Variants in SPRYD4 observed in about 807,000 individuals in gnomAD.
SPRYD4 encodes the protein SPRY domain-containing protein 4.
SPRYD4 carries 12 observed loss-of-function variants against 16.6 expected under a neutral mutation model. That is an observed-to-expected ratio of 0.72 (90% confidence interval 0.46 to 1.17). SPRYD4 has a LOEUF of 1.17. Ranked by LOEUF, SPRYD4 falls within the 50% of genes most tolerant of loss-of-function variation. The pLI is 0.00. For missense variants in SPRYD4, 260 were observed against 260.2 expected (o/e 1.00, Z 0.00); for synonymous variants, 98 against 105.4 (o/e 0.93, Z 0.43).
At position 56,473,419 on chromosome 12, in the gene SPRYD4, T is replaced by C. The variant is rs1246250453; in HGVS notation, c.*3842T>C. 1.2e-6 allele frequency: 2 copies of C among 1,603,992 alleles called. No homozygotes were observed. Among genetic ancestry groups the C allele is most frequent in the Non-Finnish European group, 1.7e-6 (2 of 1,173,858 alleles). On this transcript the variant is annotated 3_prime_UTR_variant, in exon 2 of 2. Coordinates refer to ENST00000338146, the MANE Select transcript of SPRYD4 (RefSeq NM_207344.4). Reference sequence around the variant, plus strand: ...GTAAAAGTGGTACCATTAAACAAATTTATTGCTTCAAAAATAGTAAGTACT... The same window carrying C: ...GTAAAAGTGGTACCATTAAACAAATCTATTGCTTCAAAAATAGTAAGTACT...
At position 56,474,790 on chromosome 12, in the gene SPRYD4, G is replaced by C; in HGVS notation, c.*5213G>C. 1 of 1,612,444 alleles carries C rather than the reference G, an allele frequency of 6.2e-7. No individual in the cohort carries two copies. The highest frequency in any genetic ancestry group is 8.5e-7 in the Non-Finnish European group (1 of 1,179,266). ...ATGGGACCCTCGGGTGTAGGGAAAG[G>C]GCAAGGGCAAGGACAGTCTGTCCTG... On this transcript the variant is annotated 3_prime_UTR_variant, in exon 2 of 2. Transcript: ENST00000338146.
rs1208599218 is a variant in SPRYD4, at chr12:56,472,735, T to C, written c.*3158T>C. On this transcript the variant is annotated 3_prime_UTR_variant, in exon 2 of 2. Coordinates refer to ENST00000338146, the MANE Select transcript of SPRYD4 (RefSeq NM_207344.4). ...GCCACTATAGGCAGCAAATAACAGGTTGACCACAGTCTTGTTCTGGAACAC... is the reference window on the plus strand; with the variant it reads ...GCCACTATAGGCAGCAAATAACAGGCTGACCACAGTCTTGTTCTGGAACAC... The C allele has an allele frequency of 1.5e-5, 25 of 1,613,810 alleles. No individual in the cohort carries two copies. The highest frequency in any genetic ancestry group is 1.9e-5 in the Non-Finnish European group (22 of 1,179,930).
chr12:56,473,880 G>A lies in SPRYD4; in HGVS notation c.*4303G>A. 3.2e-6 allele frequency: 1 copy of A among 311,400 alleles called. No homozygotes were observed. The highest frequency in any genetic ancestry group is 5.9e-6 in the Non-Finnish European group (1 of 170,282). The allele number at this position is 311,400 out of a possible 1,614,324, so 19.3% of individuals were successfully genotyped here. A position where few individuals can be genotyped will look rare whatever the true frequency, so the allele number is the denominator to read the frequency against. ...GGTGTTAGGAGATAGGTAATAAACA[G>A]GTAAATAAATAGACACGTAATGTTT... On this transcript the variant is annotated 3_prime_UTR_variant, in exon 2 of 2. Transcript: ENST00000338146.
Position 56,477,901 on chromosome 12 carries a change from G to GTT in SPRYD4, c.*8325_*8326insTT, listed in dbSNP as rs769963497. On this transcript the variant is annotated 3_prime_UTR_variant, in exon 2 of 2. Transcript: ENST00000338146. The stretch of plus-strand genomic sequence containing the variant: ...TGGGGATAAGGAGAAGGGGACAGCT[G>GTT]TAAGTACGGTCTGAGCCTTGGTAGT... 1.1e-5 allele frequency: 18 copies of GTT among 1,600,834 alleles called. No homozygotes were observed. Among genetic ancestry groups the GTT allele is most frequent in the Non-Finnish European group, 1.5e-5 (18 of 1,172,810 alleles).
In SPRYD4 at chr12:56,473,793, T is replaced by C. The variant is rs185659334; in HGVS notation, c.*4216T>C. On this transcript the variant is annotated 3_prime_UTR_variant, in exon 2 of 2. Coordinates refer to ENST00000338146, the MANE Select transcript of SPRYD4 (RefSeq NM_207344.4). ...ATTCATTGATTCAGCTAGAAAATAT[T>C]TTTTGAAATACTTACAGCATTCTGT... 751 of 629,220 alleles carry C rather than the reference T, an allele frequency of 1.2e-3. No individual in the cohort carries two copies. Among genetic ancestry groups the C allele is most frequent in the Admixed American group, 2.2e-3 (62 of 28,090 alleles). 39.0% of individuals were successfully genotyped at this position (629,220 alleles called of 1,614,324 possible).
chr12:56,468,921 C>A, intron 1 of SPRYD4, 118 bp from the exon 2 acceptor site: 1 of 1,331,712 alleles, frequency 7.5e-7, no homozygotes, highest in Non-Finnish European at 1.0e-6. Context: ...GCCCGCTTGG[C>A]ATTCTGACTC....
chr12:56,468,635 G>A lies in SPRYD4; in HGVS notation c.44G>A (p.Gly15Glu). The change falls in exon 1 of 2, where the codon GGA (glycine) becomes GAA (glutamate). Residue 15 changes from glycine (G) to glutamate (E), a missense_variant. Transcript: ENST00000338146. Reference protein sequence around the residue: ...FARSLRLCRWGAKRLGVASTE... With the variant: ...FARSLRLCRWEAKRLGVASTE... ...CGTTCTTTGCGCTTGTGCCGCTGGG[G>A]AGCCAAACGATTGGGAGTTGCCTCC... The A allele has an allele frequency of 6.2e-7, 1 of 1,614,054 alleles. No homozygotes were observed. Among genetic ancestry groups the A allele is most frequent in the Non-Finnish European group, 8.5e-7 (1 of 1,179,986 alleles).
rs1869951446 is a variant in SPRYD4, at chr12:56,477,764, C to T, written c.*8187C>T. 6.3e-7 allele frequency: 1 copy of T among 1,585,108 alleles called. No individual in the cohort carries two copies. The highest frequency in any genetic ancestry group is 1.8e-5 in the Admixed American group (1 of 55,956). Reference sequence around the variant, plus strand: ...AAGAGTCTTAGCCACTGAACAAAGCCTCCCTGACAGCCCGCTCACTTTGTG... The same window carrying T: ...AAGAGTCTTAGCCACTGAACAAAGCTTCCCTGACAGCCCGCTCACTTTGTG... On this transcript the variant is annotated 3_prime_UTR_variant, in exon 2 of 2. Transcript: ENST00000338146.
Position 56,476,110 on chromosome 12 carries a change from CT to C in SPRYD4, c.*6540del, listed in dbSNP as rs113881795. 4.7e-5 allele frequency: 36 copies of C among 766,192 alleles called. No homozygotes were observed. Among genetic ancestry groups the C allele is most frequent in the African/African-American group, 4.3e-4 (25 of 57,624 alleles). 47.5% of individuals were successfully genotyped at this position (766,192 alleles called of 1,614,324 possible). A position where few individuals can be genotyped will look rare whatever the true frequency, so the allele number is the denominator to read the frequency against. On this transcript the variant is annotated 3_prime_UTR_variant, in exon 2 of 2. Transcript: ENST00000338146. ...AAATGTGTTCAATTTTATAATGGCC[CT>C]TTTTTTATCCTTCTGAAAACACCGC...
chr12:56,468,929 C>T, intron 1 of SPRYD4, 110 bp from the exon 2 acceptor site: 1 of 1,379,044 alleles, frequency 7.3e-7, no homozygotes, highest in Non-Finnish European at 9.8e-7. Context: ...GGCATTCTGA[C>T]TCTTCCCTAG....
Position 56,478,193 on chromosome 12 carries a change from C to T in SPRYD4, c.*8616C>T. ...TGCCCAGCATCTCACCGTTGACCAT[C>T]CACAGTGCACAGGGAGACACCCCAC... On this transcript the variant is annotated 3_prime_UTR_variant, in exon 2 of 2. Transcript: ENST00000338146. 1 of 1,614,224 alleles carries T rather than the reference C, an allele frequency of 6.2e-7. No individual in the cohort carries two copies. Among genetic ancestry groups the T allele is most frequent in the Non-Finnish European group, 8.5e-7 (1 of 1,180,040 alleles).
rs770429028 is a variant in SPRYD4 at position 56,472,175 on chromosome 12, TC to T, written c.*2600del. 1 of 1,614,188 alleles carries T rather than the reference TC, an allele frequency of 6.2e-7. No homozygotes were observed. The highest frequency in any genetic ancestry group is 2.2e-5 in the East Asian group (1 of 44,892). Reference sequence around the variant, plus strand: ...CGAGTCATAGTCTTTCTGTTCCATATCCATGGCTGACAAGGCAAACCTGAGG... The same window carrying T: ...CGAGTCATAGTCTTTCTGTTCCATATCATGGCTGACAAGGCAAACCTGAGG... On this transcript the variant is annotated 3_prime_UTR_variant, in exon 2 of 2. Transcript: ENST00000338146.
At position 56,475,855 on chromosome 12, in the gene SPRYD4, G is replaced by T; in HGVS notation, c.*6278G>T. On this transcript the variant is annotated 3_prime_UTR_variant, in exon 2 of 2. Coordinates refer to ENST00000338146, the MANE Select transcript of SPRYD4 (RefSeq NM_207344.4). The stretch of plus-strand genomic sequence containing the variant: ...CTTCTAGTATGGGCTGGTGCACCTG[G>T]TAGTGGGGTTAGAGAGCCACTGGGG... 3 of 1,455,346 alleles carry T rather than the reference G, an allele frequency of 2.1e-6. No individual in the cohort carries two copies. The highest frequency in any genetic ancestry group is 3.4e-5 in the Admixed American group (2 of 59,614). 90.2% of individuals were successfully genotyped at this position (1,455,346 alleles called of 1,614,324 possible).
At position 56,477,096 on chromosome 12, in the gene SPRYD4, C is replaced by G. The variant is rs1474384528; in HGVS notation, c.*7519C>G. On this transcript the variant is annotated 3_prime_UTR_variant, in exon 2 of 2. Coordinates refer to ENST00000338146, the MANE Select transcript of SPRYD4 (RefSeq NM_207344.4). Reference sequence around the variant, plus strand: ...ACCTGAGTCCCTGAGGGGAGGATTCCTAACACCACCTTCCCCAGGAGGGGC... The same window carrying G: ...ACCTGAGTCCCTGAGGGGAGGATTCGTAACACCACCTTCCCCAGGAGGGGC... The G allele has an allele frequency of 6.6e-6, 1 of 152,320 alleles. No individual in the cohort carries two copies. The highest frequency in any genetic ancestry group is 1.5e-5 in the Non-Finnish European group (1 of 68,160). 9.4% of individuals were successfully genotyped at this position (152,320 alleles called of 1,614,324 possible).
chr12:56,473,475 G>T lies in SPRYD4; in HGVS notation c.*3898G>T. On this transcript the variant is annotated 3_prime_UTR_variant, in exon 2 of 2. Coordinates refer to ENST00000338146, the MANE Select transcript of SPRYD4 (RefSeq NM_207344.4). ...CAAAGCATCTCACCTGGCAGAAGCT[G>T]GTCCCCCTATGGCTGTTCCCCAGCT... The T allele has an allele frequency of 1.2e-6, 2 of 1,611,860 alleles. No homozygotes were observed. The highest frequency in any genetic ancestry group is 1.7e-5 in the Admixed American group (1 of 59,740).
chr12:56,473,578 T>G lies in SPRYD4; in HGVS notation c.*4001T>G. ...GAGGATGGCTCCTGATACAGCTGAC[T>G]TGGCTGGCAGGCCCACCTGGGGAAC... is the stretch of plus-strand genomic sequence containing the variant. On this transcript the variant is annotated 3_prime_UTR_variant, in exon 2 of 2. Transcript: ENST00000338146. The G allele has an allele frequency of 1.2e-6, 2 of 1,611,138 alleles. No homozygotes were observed. The highest frequency in any genetic ancestry group is 1.7e-6 in the Non-Finnish European group (2 of 1,179,190).
chr12:56,477,410 C>T lies in SPRYD4; in HGVS notation c.*7833C>T, dbSNP rs550747953. ...GCTCACTTCTCTAAGGGTCAGAAAG[C>T]TCTAGGCTCTAGACTCATGGGTGGG... On this transcript the variant is annotated 3_prime_UTR_variant, in exon 2 of 2. Transcript: ENST00000338146. 9 of 367,678 alleles carry T rather than the reference C, an allele frequency of 2.4e-5. No individual in the cohort carries two copies. Among genetic ancestry groups the T allele is most frequent in the African/African-American group, 1.7e-4 (8 of 48,158 alleles). The allele number at this position is 367,678 out of a possible 1,614,324, so 22.8% of individuals were successfully genotyped here. A position where few individuals can be genotyped will look rare whatever the true frequency, so the allele number is the denominator to read the frequency against.
In SPRYD4 at chr12:56,471,927, G is replaced by T. The variant is rs1443577925; in HGVS notation, c.*2350G>T. 7.2e-7 allele frequency: 1 copy of T among 1,394,294 alleles called. No homozygotes were observed. The highest frequency in any genetic ancestry group is 1.7e-5 in the Admixed American group (1 of 59,346). 86.4% of individuals were successfully genotyped at this position (1,394,294 alleles called of 1,614,324 possible). On this transcript the variant is annotated 3_prime_UTR_variant, in exon 2 of 2. Coordinates refer to ENST00000338146, the MANE Select transcript of SPRYD4 (RefSeq NM_207344.4). ...GCCACTGAAGTCTTTACCAAGAGGG[G>T]AGGGGAAAAGGCCTCTTCCCATTTT...
intron 1 of SPRYD4, 50 bp downstream of exon 1, chr12:56,468,726 T>G (rs1869103715): frequency 6.3e-7 from 1 of 1,581,696 alleles, no homozygotes; most frequent in Non-Finnish European, 8.7e-7. Flanking sequence ...CTGCCGTCTA[T>G]TATTCCCAGA....
Sources: gnomAD v4.1 joint callset for allele counts on GRCh38, gnomAD v4.1.1 for gene constraint, MANE v1.5 for transcripts, NCBI Gene and HGNC (gene_info 2026-07-23, HGNC 2026-07-21) for gene names.